Variants in SERHL2 observed in about 807,000 individuals in gnomAD.
The protein encoded by SERHL2 is serine hydrolase like 2, also known as serine hydrolase-like protein 2.
SERHL2 carries 29 observed loss-of-function variants against 25.5 expected under a neutral mutation model. The ratio of observed to expected loss-of-function variants is 1.14; its 90% CI spans 0.85 to 1.55. The LOEUF is 1.55. Among genes scored for constraint, SERHL2 ranks in the 40% most tolerant of loss-of-function variants. The pLI, the probability that SERHL2 is intolerant of heterozygous loss-of-function variation, is 0.00. For synonymous variants in SERHL2, 95 were observed against 103.5 expected, an observed-to-expected ratio of 0.92 and a Z score of 0.50; for missense variants, 240 against 252.3, an observed-to-expected ratio of 0.95 and a Z score of 0.33.
At chr22:42,562,966 G>C (rs960853516) in intron 8 of SERHL2, among the ~76,000 whole-genome samples, 2 of 151,812 alleles carry the variant, frequency 1.3e-5, no homozygotes, top group Admixed American at 6.6e-5. Context: ...AGTCCAGGTG[G>C]GAGGACTGTT....
rs1569288057 is a variant in SERHL2 at position 42,574,187 on chromosome 22, T to C, written c.*132T>C. 1.6e-5 allele frequency: 12 copies of C among 766,540 alleles called. No individual in the cohort carries two copies. The highest frequency in any genetic ancestry group is 2.5e-5 in the Admixed American group (1 of 40,154). The allele number at this position is 766,540 out of a possible 1,614,324, so 47.5% of individuals were successfully genotyped here. On this transcript the variant is annotated 3_prime_UTR_variant, in exon 12 of 12. Transcript: ENST00000327678. ...AGTCTTGAGGCCCAGCCTAGGATGG[T>C]AGTCAGGGGAAGGAGCGAGATTCCA... is the stretch of plus-strand genomic sequence containing the variant.
intron 8 of SERHL2, among the ~76,000 whole-genome samples, chr22:42,565,587 G>A (rs981706476): frequency 1.3e-5 from 2 of 151,720 alleles, no homozygotes; most frequent in Admixed American, 6.6e-5. Context: ...GCCTCCCAAA[G>A]TGCTGGGATT....
At chr22:42,564,736 A>AT (rs1431250047) in intron 8 of SERHL2, among the ~76,000 whole-genome samples, 3 of 151,688 alleles carry the variant, frequency 2.0e-5, no homozygotes, top group African/African-American at 7.3e-5. Context: ...CGGCCTGAGG[A>AT]TTTTCGCATC....
In SERHL2 at chr22:42,573,490, A is replaced by G. The variant is rs575926827; in HGVS notation, c.826-446A>G. The G allele has an allele frequency of 6.6e-4, 110 of 166,334 alleles. 2 individuals are homozygous for G. Among genetic ancestry groups the G allele is most frequent in the East Asian group, 2.5e-3 (14 of 5,562 alleles). 10.3% of individuals were successfully genotyped at this position (166,334 alleles called of 1,614,324 possible). A position where few individuals can be genotyped will look rare whatever the true frequency, so the allele number is the denominator to read the frequency against. On this transcript the variant is annotated intron_variant, in intron 11 of 11. Transcript: ENST00000327678. ...GATCTCCTGACCTCGTGATCCGCCCACCTTGGCCTCCCGCCTGCCTTGGCC... is the reference window on the plus strand; with the variant it reads ...GATCTCCTGACCTCGTGATCCGCCCGCCTTGGCCTCCCGCCTGCCTTGGCC...
chr22:42,566,121 T>A (rs932755426), intron 8 of SERHL2, among the ~76,000 whole-genome samples, 183 bp from the exon 9 acceptor site: 2 of 152,048 alleles, frequency 1.3e-5, no homozygotes, highest in African/African-American at 4.8e-5. Context: ...CAGGTGGCTG[T>A]GGTCTAGCCC....
Position 42,571,372 on chromosome 22 carries a change from G to A in SERHL2, c.731+169G>A, listed in dbSNP as rs1601859185. ...CCCTGGCAGCAGGGTCATGGAAGGA[G>A]GAAGGTCAGAGGAGGGGAGGGCTCG... On this transcript the variant is annotated intron_variant, in intron 10 of 11. Transcript: ENST00000327678. The A allele has an allele frequency of 6.2e-6, 9 of 1,451,770 alleles. No individual in the cohort carries two copies. The East Asian group carries it at 7.8e-5, about 13-fold the overall frequency. The allele number at this position is 1,451,770 out of a possible 1,614,324, so 89.9% of individuals were successfully genotyped here. A position where few individuals can be genotyped will look rare whatever the true frequency, so the allele number is the denominator to read the frequency against.
At chr22:42,560,530 A>C (rs555149447) in intron 8 of SERHL2, among the ~76,000 whole-genome samples, 1 of 151,730 alleles carries the variant, frequency 6.6e-6, no homozygotes, top group Admixed American at 6.6e-5. Flanking sequence ...CTTGGACTAA[A>C]TGTTGGTGAA....
chr22:42,559,228 T>TAAAAAAAAA (rs1316297581), intron 7 of SERHL2, among the ~76,000 whole-genome samples: 1 of 61,898 alleles, frequency 1.6e-5, no homozygotes, highest in African/African-American at 2.3e-4. Context: ...GACCCTGTAT[T>TAAAAAAAAA]TAAAAAAAAA....
At chr22:42,563,626 G>A (rs1922978175) in intron 8 of SERHL2, 1 of 175,806 alleles carries the variant, frequency 5.7e-6, no homozygotes, top group South Asian at 9.7e-5. Context: ...TGTTTAACTT[G>A]TGCAGTTTAA....
At chr22:42,563,458 CCT>C (rs778499193) in intron 8 of SERHL2, 3 of 443,620 alleles carry the variant, frequency 6.8e-6, no homozygotes, top group African/African-American at 2.0e-5. Flanking sequence ...ACTGACTCGA[CCT>C]CCCAAAATGG....
intron 9 of SERHL2, among the ~76,000 whole-genome samples, chr22:42,568,346 A>ACATCTAGTTATTC (rs137042): frequency 7.0e-6 from 1 of 141,872 alleles, no homozygotes. Flanking sequence ...TTCTAGATGA[A>ACATCTAGTTATTC]CAATACCAGC....
chr22:42,567,080 C>T, intron 9 of SERHL2, among the ~76,000 whole-genome samples: 1 of 152,162 alleles, frequency 6.6e-6, no homozygotes, highest in Non-Finnish European at 1.5e-5. Flanking sequence ...TCGCACAGTG[C>T]TGTCGCTTCA....
intron 10 of SERHL2, 28 bp from the exon 11 acceptor site, chr22:42,572,408 C>G (rs916119288): frequency 6.4e-7 from 1 of 1,569,900 alleles, no homozygotes; most frequent in African/African-American, 1.3e-5. Context: ...AGATGAACCC[C>G]AACAACCCCC....
rs546965153 is a variant in SERHL2, at chr22:42,570,887, G to C, written c.649-234G>C. ...AGTATGGGAAATGGAGTCAGGCTGG[G>C]TAGCCACGAGCCCAGGAAGAAGGGA... On this transcript the variant is annotated intron_variant, in intron 9 of 11. Coordinates refer to ENST00000327678, the MANE Select transcript of SERHL2 (RefSeq NM_014509.5). 5.4e-4 allele frequency among the ~76,000 whole-genome samples: 82 copies of C among 152,124 alleles called. 1 individual carries two copies. The highest frequency in any genetic ancestry group is 1.7e-3 in the African/African-American group (69 of 41,564).
At chr22:42,560,134 ACCT>A (rs1922500306) in intron 7 of SERHL2, 49 bp from the exon 8 acceptor site, 1 of 1,393,816 alleles carries the variant, frequency 7.2e-7, no homozygotes, top group South Asian at 1.2e-5. Context: ...TTTTTATCTG[ACCT>A]CCTTTTTATT....
At chr22:42,564,362 C>G (rs1444299121) in intron 8 of SERHL2, among the ~76,000 whole-genome samples, 4 of 151,630 alleles carry the variant, frequency 2.6e-5, no homozygotes, top group Non-Finnish European at 5.9e-5. Flanking sequence ...GTACTTGGGT[C>G]TGTCTCTGAC....
Position 42,574,121 on chromosome 22 carries a change from G to A in SERHL2, c.*66G>A, listed in dbSNP as rs1924673761. The A allele has an allele frequency of 6.8e-7, 1 of 1,472,666 alleles. No homozygotes were observed. Among genetic ancestry groups the A allele is most frequent in the Admixed American group, 1.7e-5 (1 of 58,848 alleles). The allele number at this position is 1,472,666 out of a possible 1,614,324, so 91.2% of individuals were successfully genotyped here. A position where few individuals can be genotyped will look rare whatever the true frequency, so the allele number is the denominator to read the frequency against. On this transcript the variant is annotated 3_prime_UTR_variant, in exon 12 of 12. Coordinates refer to ENST00000327678, the MANE Select transcript of SERHL2 (RefSeq NM_014509.5). Reference sequence around the variant, plus strand: ...CAACACTGGGACTCTGAGTTCCTGAGCCCCACAACAAGGCCAGGGATGGTG... The same window carrying A: ...CAACACTGGGACTCTGAGTTCCTGAACCCCACAACAAGGCCAGGGATGGTG...
chr22:42,566,543 G>C (rs1307587557), intron 9 of SERHL2, among the ~76,000 whole-genome samples: 1 of 147,454 alleles, frequency 6.8e-6, no homozygotes, highest in Non-Finnish European at 1.5e-5. Flanking sequence ...GCGACAGAGC[G>C]AGACTCCATC....
In SERHL2 at chr22:42,572,501, T is replaced by C. The variant is rs746633035; in HGVS notation, c.797T>C (p.Ile266Thr). The change falls in exon 11 of 12, where the codon ATA (isoleucine) becomes ACA (threonine). Residue 266 changes from isoleucine (I) to threonine (T), a missense_variant. Ile to Thr is a moderately conservative substitution (Grantham distance 89). This residue lies in a region of SERHL2 where 212 missense variants were observed against 168.9 expected (regional missense o/e 1.25). Coordinates refer to ENST00000327678, the MANE Select transcript of SERHL2 (RefSeq NM_014509.5). ...GAGAAGGAGTCCCTGTCGTTCATGA[T>C]AGACACGATGAAATCCACCCTCAAA... ...YSEKESLSFM[I>T]DTMKSTLKEQ... 4.3e-6 allele frequency: 7 copies of C among 1,611,986 alleles called. No homozygotes were observed. Among genetic ancestry groups the C allele is most frequent in the Non-Finnish European group, 5.9e-6 (7 of 1,178,344 alleles).
Sources: allele counts gnomAD v4.1 joint callset (sites outside exome capture counted in the v4.1 genomes callset), GRCh38; gene constraint gnomAD v4.1.1; regional missense constraint gnomAD v4.1.1; transcripts MANE v1.5; gene names NCBI Gene and HGNC (gene_info 2026-07-23, HGNC 2026-07-21).